Variants in F3 observed in about 807,000 individuals in gnomAD.
The protein encoded by F3 is tissue factor.
In F3, 18 loss-of-function variants were observed where a neutral mutation model predicts 33.5. The observed-to-expected ratio is 0.54, with a 90% CI of 0.37 to 0.80. F3 has a LOEUF of 0.80. Ranked by LOEUF, F3 falls within the 30% of genes least tolerant of loss-of-function variation. F3 has a pLI of 0.00. For synonymous variants in F3, 147 were observed against 140.7 expected (o/e 1.05, Z -0.32); for missense variants, 353 against 362.1 (o/e 0.97, Z 0.20).
At chr1:94,541,420 G>T in intron 1 of F3, 117 bp downstream of exon 1, 1 of 780,488 alleles carries the variant, frequency 1.3e-6, no homozygotes. Flanking sequence ...AGTCCCGTAG[G>T]CGCGGGGGAC....
chr1:94,531,295 C>T (rs941346328), intron 5 of F3, among the ~76,000 whole-genome samples: 4 of 114,584 alleles, frequency 3.5e-5, no homozygotes, highest in African/African-American at 6.7e-5. Flanking sequence ...TTTCTTTTTT[C>T]GTTGTTTCTT....
intron 2 of F3, among the ~76,000 whole-genome samples, chr1:94,538,899 C>T (rs532958721): frequency 6.6e-5 from 10 of 152,154 alleles, no homozygotes; most frequent in African/African-American, 1.9e-4. Flanking sequence ...TGTAGCCCTG[C>T]GCTCTGCTGT....
At chr1:94,541,488 C>A (rs1273216767) in intron 1 of F3, 49 bp downstream of exon 1, 1 of 1,361,498 alleles carries the variant, frequency 7.3e-7, no homozygotes, top group Non-Finnish European at 9.6e-7. Context: ...CTGTCGCCTC[C>A]CTCCTGCGTG....
chr1:94,541,549 C>T lies in F3; in HGVS notation c.88G>A (p.Ala30Thr), dbSNP rs768720096. Residue 30 changes from alanine to threonine, a missense_variant, in exon 1 of 6, where the codon GCC becomes ACC. By Grantham distance (58) the Ala-to-Thr change is moderately conservative (BLOSUM62 0). Coordinates refer to ENST00000334047, the MANE Select transcript of F3 (RefSeq NM_001993.5). ...TGGTGCCACTCACCTGAAGCGCCGG[C>T]CACCTGGGCGAAGACCCAGCCGAGC... Reference protein sequence around the residue: ...LLLGWVFAQVAGASGTTNTVA... With the variant: ...LLLGWVFAQVTGASGTTNTVA... The T allele has an allele frequency of 1.8e-5, 27 of 1,497,746 alleles. No homozygotes were observed. The Admixed American group carries it at 2.0e-4, about 11-fold the overall frequency. 92.8% of individuals were successfully genotyped at this position (1,497,746 alleles called of 1,614,324 possible). A position where few individuals can be genotyped will look rare whatever the true frequency, so the allele number is the denominator to read the frequency against.
intron 3 of F3, among the ~76,000 whole-genome samples, chr1:94,533,914 C>T (rs1424837211): frequency 3.3e-5 from 5 of 151,550 alleles, no homozygotes; most frequent in African/African-American, 9.7e-5. Context: ...TCACCCAGGC[C>T]GGAGTGCAGT....
chr1:94,539,204 A>G (rs1368365354), intron 2 of F3, among the ~76,000 whole-genome samples: 1 of 152,144 alleles, frequency 6.6e-6, no homozygotes, highest in African/African-American at 2.4e-5. Flanking sequence ...AACTGTAATC[A>G]TTATTTCATG....
In F3 at chr1:94,532,448, CA is replaced by C; in HGVS notation, c.623del (p.Leu208Ter). The part of the protein sequence containing the change: ...KTAKTNTNEF[L>X]IDVDKGENYC... ...AGTTTTCTCCTTTATCCACATCAAT[CA>C]AAAACTCATTAGTGTTTGTTTTGGC... On this transcript the variant is annotated frameshift_variant, in exon 5 of 6. Coordinates refer to ENST00000334047, the MANE Select transcript of F3 (RefSeq NM_001993.5). LOFTEE classifies it high-confidence loss of function. 1 of 1,614,104 alleles carries C rather than the reference CA, an allele frequency of 6.2e-7. No homozygotes were observed. Among genetic ancestry groups the C allele is most frequent in the Non-Finnish European group, 8.5e-7 (1 of 1,180,012 alleles).
chr1:94,531,810 T>A (rs914446534), intron 5 of F3, among the ~76,000 whole-genome samples: 2 of 152,190 alleles, frequency 1.3e-5, no homozygotes, highest in African/African-American at 4.8e-5. Flanking sequence ...GTCCGCCATA[T>A]ACACACATGC....
rs541243881 is a variant in F3, at chr1:94,531,424, C to T, written c.752-828G>A. Among the ~76,000 whole-genome samples, 3 of 151,734 alleles carry T rather than the reference C, an allele frequency of 2.0e-5. No homozygotes were observed. In the South Asian group the frequency reaches 6.2e-4, roughly 32 times the overall value. ...TCAAGCAATTCTCCTGCCTCAACCT[C>T]CTGAGTAGCTGGGACTACAGACACG... On this transcript the variant is annotated intron_variant, in intron 5 of 5. Coordinates refer to ENST00000334047, the MANE Select transcript of F3 (RefSeq NM_001993.5).
At position 94,529,774 on chromosome 1, in the gene F3, G is replaced by A. The variant is rs1651359618; in HGVS notation, c.*686C>T. On this transcript the variant is annotated 3_prime_UTR_variant, in exon 6 of 6. Coordinates refer to ENST00000334047, the MANE Select transcript of F3 (RefSeq NM_001993.5). ...TACTTTCCTACATGGATTGAAGTCA[G>A]CCCCTCAAAAGCTTTTCGGCTGGGC... 6.6e-6 allele frequency: 1 copy of A among 152,012 alleles called. No individual in the cohort carries two copies. Among genetic ancestry groups the A allele is most frequent in the Non-Finnish European group, 1.5e-5 (1 of 68,038 alleles). The allele number at this position is 152,012 out of a possible 1,614,324, so 9.4% of individuals were successfully genotyped here. A position where few individuals can be genotyped will look rare whatever the true frequency, so the allele number is the denominator to read the frequency against.
intron 2 of F3, among the ~76,000 whole-genome samples, chr1:94,539,345 A>T (rs1244039357): frequency 6.6e-6 from 1 of 152,200 alleles, no homozygotes; most frequent in Non-Finnish European, 1.5e-5. Flanking sequence ...AAACAAGAAC[A>T]TTCACTTAAA....
chr1:94,533,585 G>C (rs1651499292), intron 3 of F3, among the ~76,000 whole-genome samples: 1 of 152,134 alleles, frequency 6.6e-6, no homozygotes, highest in African/African-American at 2.4e-5. Flanking sequence ...GTTGACCCCT[G>C]AACAACATGG....
rs1651480267 is a variant in F3 at position 94,533,103 on chromosome 1, G to A, written c.578C>T (p.Ser193Leu). 5.0e-6 allele frequency: 8 copies of A among 1,612,910 alleles called. No individual in the cohort carries two copies. The highest frequency in any genetic ancestry group is 5.9e-6 in the Non-Finnish European group (7 of 1,179,798). Residue 193 changes from serine to leucine, a missense_variant, in exon 4 of 6, where the codon TCA becomes TTA. Transcript: ENST00000334047. ...AAAAATGCTCACCTTTCCTGAACTTGAAGATTTCCAATAATAAAGTGTATA... is the reference window on the plus strand; with the variant it reads ...AAAAATGCTCACCTTTCCTGAACTTAAAGATTTCCAATAATAAAGTGTATA... ...LIYTLYYWKSSSSGKKTAKTN... is the reference protein window; with the variant it reads ...LIYTLYYWKSLSSGKKTAKTN...
intron 4 of F3, chr1:94,532,881 G>GGA: frequency 3.4e-6 from 2 of 591,490 alleles, no homozygotes; most frequent in South Asian, 4.3e-5. Flanking sequence ...CTCCGAGGGG[G>GGA]CCCTGCCCAG....
chr1:94,533,267 T>G lies in F3; in HGVS notation c.414A>C (p.Thr138=), dbSNP rs1651488687. The G allele has an allele frequency of 1.2e-6, 2 of 1,608,888 alleles. No individual in the cohort carries two copies. The highest frequency in any genetic ancestry group is 4.5e-5 in the East Asian group (2 of 44,846). ...NSPEFTPYLE[T]NLGQPTIQSF... is the part of the protein sequence containing the mutation. Reference sequence around the variant, plus strand: ...TCTGAATTGTTGGCTGTCCGAGGTTTGCTGAAACAAAGGAAATGAGCTTGG... The same window carrying G: ...TCTGAATTGTTGGCTGTCCGAGGTTGGCTGAAACAAAGGAAATGAGCTTGG... Residue 138 remains threonine, a splice_region_variant and synonymous_variant, in exon 4 of 6, where the codon ACA becomes ACC. Coordinates refer to ENST00000334047, the MANE Select transcript of F3 (RefSeq NM_001993.5).
chr1:94,541,585 G>T lies in F3; in HGVS notation c.52C>A (p.Arg18=). 1 of 1,480,702 alleles carries T rather than the reference G, an allele frequency of 6.8e-7. No homozygotes were observed. The highest frequency in any genetic ancestry group is 9.0e-7 in the Non-Finnish European group (1 of 1,112,916). The allele number at this position is 1,480,702 out of a possible 1,614,324, so 91.7% of individuals were successfully genotyped here. A position where few individuals can be genotyped will look rare whatever the true frequency, so the allele number is the denominator to read the frequency against. ...AAGACCCAGCCGAGCAGGAGCGTCC[G>T]AGCGACGGCGGTCTCGGGGCGCGGG... The part of the protein sequence containing the change: ...RVPRPETAVA[R]TLLLGWVFAQ... The change falls in exon 1 of 6, where the codon CGG becomes AGG. Residue 18 remains arginine (R), a synonymous_variant. Coordinates refer to ENST00000334047, the MANE Select transcript of F3 (RefSeq NM_001993.5).
intron 2 of F3, among the ~76,000 whole-genome samples, chr1:94,538,359 A>G (rs994253961): frequency 6.6e-6 from 1 of 152,240 alleles, no homozygotes; most frequent in African/African-American, 2.4e-5. Context: ...AGCAAAGGTG[A>G]AAAATGCAGT....
Position 94,530,418 on chromosome 1 carries a change from C to T in F3, c.*42G>A. On this transcript the variant is annotated 3_prime_UTR_variant, in exon 6 of 6. Coordinates refer to ENST00000334047, the MANE Select transcript of F3 (RefSeq NM_001993.5). ...CTATCCTCTTAAAAGTTCTCGGTCACAGTGCAATATAGCATTTGCAGTAGC... is the reference window on the plus strand; with the variant it reads ...CTATCCTCTTAAAAGTTCTCGGTCATAGTGCAATATAGCATTTGCAGTAGC... 1 of 1,608,234 alleles carries T rather than the reference C, an allele frequency of 6.2e-7. No individual in the cohort carries two copies.
intron 3 of F3, among the ~76,000 whole-genome samples, chr1:94,533,701 C>T (rs183332488): frequency 1.3e-5 from 2 of 152,198 alleles, no homozygotes; most frequent in East Asian, 3.9e-4. Context: ...GTGGCCCCTG[C>T]TCTTCCTCCT....
Sources: allele counts gnomAD v4.1 joint callset (sites outside exome capture counted in the v4.1 genomes callset), GRCh38; gene constraint gnomAD v4.1.1; transcripts MANE v1.5; gene names NCBI Gene and HGNC (gene_info 2026-07-23, HGNC 2026-07-21).